Variants in CDC14B observed in about 807,000 individuals in gnomAD.
CDC14B encodes cell division cycle 14B.
A neutral mutation model predicts 64.2 loss-of-function variants in CDC14B; 22 were observed. The ratio of observed to expected loss-of-function variants is 0.34; its 90% confidence interval spans 0.24 to 0.49. The LOEUF is 0.49. CDC14B is among the 20% of genes least tolerant of loss of function. The pLI, the probability that CDC14B is intolerant of heterozygous loss-of-function variation, is 0.99. For missense variants in CDC14B, 498 were observed against 629.9 expected (o/e 0.79, Z 2.24); for synonymous variants, 191 against 215.8 (o/e 0.89, Z 1.01).
Position 96,611,876 on chromosome 9 carries a change from T to C in CDC14B, c.160+7343A>G, listed in dbSNP as rs151285792. ...TTAAATTAACCACTCTGAAAATTTA[T>C]ATTCTATCAGTAAATAATTTCATAT... is the stretch of plus-strand genomic sequence containing the variant. On this transcript the variant is annotated intron_variant, in intron 1 of 13. Transcript: ENST00000375241. Among the ~76,000 whole-genome samples, 689 of 152,348 alleles carry C rather than the reference T, an allele frequency of 4.5e-3. 9 individuals carry two copies. Among genetic ancestry groups the C allele is most frequent in the South Asian group, 0.03 (143 of 4,822 alleles).
chr9:96,495,545 A>G (rs80131623), downstream of CDC14B, among the ~76,000 whole-genome samples: 106 of 152,332 alleles, frequency 7.0e-4, no homozygotes, highest in East Asian at 0.019. Flanking sequence ...AGCAACAGTG[A>G]GGAAAACGTT....
chr9:96,567,133 C>A, intron 1 of CDC14B: 1 of 511,924 alleles, frequency 2.0e-6, no homozygotes, highest in Non-Finnish European at 3.3e-6. Context: ...CGGCCTGTGC[C>A]AACCAGGGCT....
chr9:96,502,746 A>G lies in CDC14B; in HGVS notation c.*1007T>C, dbSNP rs1447019384. 1 of 397,200 alleles carries G rather than the reference A, an allele frequency of 2.5e-6. No individual in the cohort carries two copies. Among genetic ancestry groups the G allele is most frequent in the Non-Finnish European group, 4.4e-6 (1 of 225,120 alleles). 24.6% of individuals were successfully genotyped at this position (397,200 alleles called of 1,614,324 possible). ...ACCAAAGGCAACAGTGAGATCCAGAAGCAGATCATTGTCACTGAGATCGCA... is the reference window on the plus strand; with the variant it reads ...ACCAAAGGCAACAGTGAGATCCAGAGGCAGATCATTGTCACTGAGATCGCA... On this transcript the variant is annotated 3_prime_UTR_variant, in exon 14 of 14. Coordinates refer to ENST00000375241, the MANE Select transcript of CDC14B (RefSeq NM_033331.4).
At chr9:96,534,851 A>G (rs1839053054) in intron 7 of CDC14B, among the ~76,000 whole-genome samples, 1 of 152,228 alleles carries the variant, frequency 6.6e-6, no homozygotes, top group South Asian at 2.1e-4. Flanking sequence ...AATTCTCATT[A>G]TAGTTGCTGC....
At chr9:96,529,712 T>G (rs1176805274) in intron 9 of CDC14B, among the ~76,000 whole-genome samples, 2 of 151,958 alleles carry the variant, frequency 1.3e-5, no homozygotes, top group Non-Finnish European at 2.9e-5. Context: ...AGGGTGGTCT[T>G]AAACTCCTGG....
At position 96,501,476 on chromosome 9, in the gene CDC14B, A is replaced by T. The variant is rs1833555973; in HGVS notation, c.*2277T>A. ...TGAGGGGAAGAGTCCACTCTCATTC[A>T]TAGCAGGAAGAACTTTCCATCCCTC... On this transcript the variant is annotated 3_prime_UTR_variant, in exon 14 of 14. Transcript: ENST00000375241. 1 of 152,224 alleles carries T rather than the reference A, an allele frequency of 6.6e-6. No homozygotes were observed. Among genetic ancestry groups the T allele is most frequent in the African/African-American group, 2.4e-5 (1 of 41,460 alleles). The allele number at this position is 152,224 out of a possible 1,614,324, so 9.4% of individuals were successfully genotyped here.
At chr9:96,563,356 T>C (rs114704733) in intron 3 of CDC14B, among the ~76,000 whole-genome samples, 2,089 of 152,276 alleles carry the variant, frequency 0.014, 51 homozygotes, top group African/African-American at 0.047. Context: ...TCTATTTATA[T>C]GTTAAAAAGT....
chr9:96,610,360 G>A lies in CDC14B; in HGVS notation c.160+8859C>T, dbSNP rs376834686. Among the ~76,000 whole-genome samples the A allele has an allele frequency of 3.0e-4, 45 of 152,034 alleles. 1 individual carries two copies. In the South Asian group the frequency reaches 8.1e-3, roughly 27 times the overall value. On this transcript the variant is annotated intron_variant, in intron 1 of 13. Coordinates refer to ENST00000375241, the MANE Select transcript of CDC14B (RefSeq NM_033331.4). ...ACTACAGGTGCCCGCCACCACGCCCGGCTAATTTTTTGTATTTTTAGTAGT... is the reference window on the plus strand; with the variant it reads ...ACTACAGGTGCCCGCCACCACGCCCAGCTAATTTTTTGTATTTTTAGTAGT...
At chr9:96,541,235 G>A (rs1308998783) in intron 6 of CDC14B, among the ~76,000 whole-genome samples, 1 of 152,240 alleles carries the variant, frequency 6.6e-6, no homozygotes, top group Non-Finnish European at 1.5e-5. Flanking sequence ...GATAGGGAGG[G>A]TGTCCCCTGG....
Position 96,619,282 on chromosome 9 carries a change from T to C in CDC14B, c.97A>G (p.Ser33Gly). ...CGGCGCGGGTCTTGCTGCGTGGAGC[T>C]GCGGATCTTCTTCACACCCGGCGAG... Reference protein sequence around the residue: ...STSPGVKKIRSSTQQDPRRRD... With the variant: ...STSPGVKKIRGSTQQDPRRRD... Residue 33 changes from serine to glycine, a missense_variant, in exon 1 of 14, where the codon AGC (serine) becomes GGC (glycine). Coordinates refer to ENST00000375241, the MANE Select transcript of CDC14B (RefSeq NM_033331.4). 7.4e-7 allele frequency: 1 copy of C among 1,353,268 alleles called. No homozygotes were observed. Among genetic ancestry groups the C allele is most frequent in the Admixed American group, 2.8e-5 (1 of 35,240 alleles). The allele number at this position is 1,353,268 out of a possible 1,614,324, so 83.8% of individuals were successfully genotyped here. A position where few individuals can be genotyped will look rare whatever the true frequency, so the allele number is the denominator to read the frequency against.
At position 96,502,333 on chromosome 9, in the gene CDC14B, C is replaced by T. The variant is rs1231324138; in HGVS notation, c.*1420G>A. 6.6e-6 allele frequency: 1 copy of T among 152,252 alleles called. No individual in the cohort carries two copies. Among genetic ancestry groups the T allele is most frequent in the Non-Finnish European group, 1.5e-5 (1 of 68,070 alleles). The allele number at this position is 152,252 out of a possible 1,614,324, so 9.4% of individuals were successfully genotyped here. ...GGCACTGCCTTTCAATTACTTTTTG[C>T]ATTAAAGACTTTTAACTTGTTTATT... On this transcript the variant is annotated 3_prime_UTR_variant, in exon 14 of 14. Transcript: ENST00000375241.
chr9:96,610,614 A>C (rs373132203), intron 1 of CDC14B, among the ~76,000 whole-genome samples: 13 of 151,814 alleles, frequency 8.6e-5, no homozygotes, highest in African/African-American at 3.2e-4. Context: ...TCTGTCTATT[A>C]GTCAAATAAA....
chr9:96,568,278 T>C (rs1280428243), intron 1 of CDC14B, among the ~76,000 whole-genome samples: 1 of 152,212 alleles, frequency 6.6e-6, no homozygotes, highest in Non-Finnish European at 1.5e-5. Flanking sequence ...GGGAAGACCT[T>C]GCTAAATGAT....
At chr9:96,551,013 C>A (rs747403039) in intron 5 of CDC14B, among the ~76,000 whole-genome samples, 1 of 151,216 alleles carries the variant, frequency 6.6e-6, no homozygotes, top group Non-Finnish European at 1.5e-5. Context: ...TTATTGGGAA[C>A]GTTTCTTAAC....
chr9:96,509,278 A>G (rs956818442), intron 13 of CDC14B, among the ~76,000 whole-genome samples: 2 of 152,224 alleles, frequency 1.3e-5, no homozygotes, highest in Non-Finnish European at 2.9e-5. Flanking sequence ...GTAGAGAAGG[A>G]TCTTCAAACT....
intron 1 of CDC14B, among the ~76,000 whole-genome samples, chr9:96,613,118 T>C (rs1847421233): frequency 6.6e-6 from 1 of 152,224 alleles, no homozygotes; most frequent in African/African-American, 2.4e-5. Flanking sequence ...AAAAAGAAAC[T>C]ACATCATTGT....
At chr9:96,605,016 C>T (rs1012189723) in intron 1 of CDC14B, among the ~76,000 whole-genome samples, 7 of 152,108 alleles carry the variant, frequency 4.6e-5, no homozygotes, top group African/African-American at 1.7e-4. Context: ...CTTTCCACTG[C>T]TTCTAACAAA....
At chr9:96,523,847 A>G in intron 9 of CDC14B, 122 bp from the exon 10 acceptor site, 1 of 974,320 alleles carries the variant, frequency 1.0e-6, no homozygotes, top group Non-Finnish European at 1.5e-6. Flanking sequence ...GTGGTTCTCA[A>G]GGCTGGTTAC....
chr9:96,616,053 C>T (rs757130146), intron 1 of CDC14B, among the ~76,000 whole-genome samples: 1 of 152,170 alleles, frequency 6.6e-6, no homozygotes, highest in Non-Finnish European at 1.5e-5. Context: ...CAGCTGCGGG[C>T]GGTGGCTCAC....
Sources: allele counts gnomAD v4.1 joint callset (sites outside exome capture counted in the v4.1 genomes callset), GRCh38; gene constraint gnomAD v4.1.1; transcripts MANE v1.5; gene names NCBI Gene and HGNC (gene_info 2026-07-23, HGNC 2026-07-21).